The following MYO16 variants were observed in gnomAD, a reference collection of about 807,000 sequenced individuals.
MYO16 encodes the protein unconventional myosin-XVI.
Under a neutral mutation model 205.3 loss-of-function variants are expected in MYO16, and 94 were observed. The ratio of observed to expected loss-of-function variants is 0.46; its 90% CI spans 0.39 to 0.54. The LOEUF (loss-of-function observed/expected upper bound fraction) is 0.54. Ranked by LOEUF, MYO16 falls within the 20% of genes least tolerant of loss-of-function variation. The pLI, the probability that MYO16 is intolerant of heterozygous loss-of-function variation, is 0.00. For synonymous variants in MYO16, 988 were observed against 954.0 expected (o/e 1.04, Z -0.66); for missense variants, 2,315 against 2,387.5 (o/e 0.97, Z 0.63).
intron 31 of MYO16, among the ~76,000 whole-genome samples, chr13:109,131,557 G>A (rs992344270): frequency 6.6e-6 from 1 of 152,110 alleles, no homozygotes; most frequent in Non-Finnish European, 1.5e-5. Context: ...AAGTTTTAGG[G>A]TACATGTGCA....
At chr13:108,549,438 G>T in the MYO16 span, among the ~76,000 whole-genome samples, 1 of 151,364 alleles carries the variant, frequency 6.6e-6, no homozygotes, top group African/African-American at 2.4e-5. Flanking sequence ...TTCCAGTAAC[G>T]CCTATTTTGG....
intron 17 of MYO16, among the ~76,000 whole-genome samples, chr13:108,959,577 T>G (rs1883504522): frequency 6.6e-6 from 1 of 152,140 alleles, no homozygotes; most frequent in African/African-American, 2.4e-5. Context: ...TGGGAGTGAC[T>G]TGAATGGTGA....
At chr13:108,709,844 A>C (rs1233970436) in intron 2 of MYO16, among the ~76,000 whole-genome samples, 1 of 134,392 alleles carries the variant, frequency 7.4e-6, no homozygotes, top group East Asian at 2.2e-4. Context: ...ACTCATGGTA[A>C]TGATGGGCAA....
intron 4 of MYO16, among the ~76,000 whole-genome samples, chr13:108,763,264 C>A (rs774764606): frequency 5.9e-5 from 9 of 152,126 alleles, no homozygotes; most frequent in Non-Finnish European, 1.0e-4. Context: ...CTCACTAATG[C>A]ATTTCTACAA....
At chr13:108,508,867 T>G in the MYO16 span, among the ~76,000 whole-genome samples, 1 of 152,102 alleles carries the variant, frequency 6.6e-6, no homozygotes, top group Non-Finnish European at 1.5e-5. Context: ...TTTGGGAGAG[T>G]GAGGGATGGG....
At chr13:109,142,331 G>A (rs756388192) in intron 32 of MYO16, among the ~76,000 whole-genome samples, 2 of 152,116 alleles carry the variant, frequency 1.3e-5, no homozygotes, top group Non-Finnish European at 2.9e-5. Flanking sequence ...TGATGAAAAG[G>A]ATCTTCTCCT....
At chr13:108,559,774 G>A in the MYO16 span, among the ~76,000 whole-genome samples, 1 of 151,956 alleles carries the variant, frequency 6.6e-6, no homozygotes, top group Non-Finnish European at 1.5e-5. Flanking sequence ...CCGGCCTTGA[G>A]GTGCTTTTCT....
At chr13:109,159,756 G>T (rs1440025963) in intron 32 of MYO16, among the ~76,000 whole-genome samples, 1 of 152,208 alleles carries the variant, frequency 6.6e-6, no homozygotes, top group African/African-American at 2.4e-5. Flanking sequence ...CAGTGCAGCT[G>T]CCATGCCCTG....
At chr13:108,735,428 A>G (rs1383478239) in intron 4 of MYO16, among the ~76,000 whole-genome samples, 1 of 104,730 alleles carries the variant, frequency 9.5e-6, no homozygotes, top group African/African-American at 2.9e-5. Flanking sequence ...ATGTCCCTAC[A>G]AAGGACATGA....
At chr13:109,132,127 T>C (rs1249147803) in intron 31 of MYO16, among the ~76,000 whole-genome samples, 1 of 152,232 alleles carries the variant, frequency 6.6e-6, no homozygotes, top group Non-Finnish European at 1.5e-5. Flanking sequence ...AATCCTAAGA[T>C]GTGGGACTTG....
intron 7 of MYO16, among the ~76,000 whole-genome samples, chr13:108,818,677 T>C (rs980698587): frequency 4.6e-5 from 7 of 152,016 alleles, no homozygotes; most frequent in African/African-American, 1.4e-4. Context: ...ATAGTGTGCA[T>C]GCAAATGGAA....
chr13:108,641,170 T>G (rs1212311372), intron 1 of MYO16, among the ~76,000 whole-genome samples: 2 of 152,230 alleles, frequency 1.3e-5, no homozygotes, highest in African/African-American at 4.8e-5. Context: ...TAAAACAAGA[T>G]AAGAATGCAA....
At chr13:108,983,424 T>G (rs1884517248) in intron 20 of MYO16, among the ~76,000 whole-genome samples, 1 of 152,216 alleles carries the variant, frequency 6.6e-6, no homozygotes, top group South Asian at 2.1e-4. Context: ...GGAGTGCCTG[T>G]TGTCCAAAAA....
chr13:108,507,867 C>T, the MYO16 span, among the ~76,000 whole-genome samples: 24 of 152,098 alleles, frequency 1.6e-4, no homozygotes, highest in South Asian at 3.7e-3. Flanking sequence ...GATTAGATGA[C>T]TTCAAATGAC....
intron 23 of MYO16, among the ~76,000 whole-genome samples, chr13:109,022,285 AAATAT>A (rs1295053798): frequency 1.5e-5 from 2 of 130,132 alleles, no homozygotes; most frequent in Admixed American, 8.6e-5. Context: ...TTATATATAC[AAATAT>A]AATATACAAA....
At chr13:108,894,183 A>T (rs530557429) in intron 14 of MYO16, among the ~76,000 whole-genome samples, 1 of 152,290 alleles carries the variant, frequency 6.6e-6, no homozygotes, top group South Asian at 2.1e-4. Flanking sequence ...TCATGAGAGC[A>T]GCATGGGGAA....
At position 109,012,661 on chromosome 13, in the gene MYO16, C is replaced by A. The variant is rs78620375; in HGVS notation, c.2595+3612C>A. Among the ~76,000 whole-genome samples, 634 of 151,988 alleles carry A rather than the reference C, an allele frequency of 4.2e-3. 10 individuals are homozygous for A. In the East Asian group the frequency reaches 0.052, roughly 13 times the overall value. On this transcript the variant is annotated intron_variant, in intron 22 of 34. Coordinates refer to ENST00000457511, the MANE Select transcript of MYO16 (RefSeq NM_001198950.3). ...AAAGGTTGGGGCCCTCTAGTCTAAA[C>A]CATGTGGTCAGAAGGTATTCCATAT...
rs1186584248 is a variant in MYO16 at position 109,207,310 on chromosome 13, G to C, written c.*474G>C. 6.6e-6 allele frequency: 1 copy of C among 152,296 alleles called. No individual in the cohort carries two copies. Among genetic ancestry groups the C allele is most frequent in the Non-Finnish European group, 1.5e-5 (1 of 68,176 alleles). The allele number at this position is 152,296 out of a possible 1,614,324, so 9.4% of individuals were successfully genotyped here. On this transcript the variant is annotated 3_prime_UTR_variant, in exon 35 of 35. Coordinates refer to ENST00000457511, the MANE Select transcript of MYO16 (RefSeq NM_001198950.3). ...TGTGTTTTATTGGTATTATAAACCT[G>C]ATAATTATTTACATGTTTATTACTG...
At chr13:108,964,987 C>A in intron 20 of MYO16, 85 bp downstream of exon 20, 1 of 1,354,696 alleles carries the variant, frequency 7.4e-7, no homozygotes, top group Non-Finnish European at 1.0e-6. Flanking sequence ...CTTCATATTA[C>A]AGGGTAACCA....
Sources: allele counts gnomAD v4.1 joint callset (sites outside exome capture counted in the v4.1 genomes callset), GRCh38; gene constraint gnomAD v4.1.1; transcripts MANE v1.5; gene names NCBI Gene and HGNC (gene_info 2026-07-23, HGNC 2026-07-21).